DSCAML1: variants seen among roughly 807,000 people sequenced by gnomAD.
DSCAML1 encodes the protein cell adhesion molecule DSCAML1.
DSCAML1 carries 38 observed loss-of-function variants against 200.5 expected under a neutral mutation model. The ratio of observed to expected loss-of-function variants is 0.19; its 90% CI spans 0.15 to 0.25. The LOEUF (loss-of-function observed/expected upper bound fraction) is 0.25. Ranked by LOEUF, DSCAML1 falls within the 10% of genes least tolerant of loss-of-function variation. The pLI is 1.00. For missense variants in DSCAML1, 2,223 were observed against 2,858.8 expected (o/e 0.78, Z 5.07); for synonymous variants, 1,215 against 1,165.0 (o/e 1.04, Z -0.87).
rs1477882492 is a variant in DSCAML1, at chr11:117,577,471, T to C, written c.512-44949A>G. Among the ~76,000 whole-genome samples the C allele has an allele frequency of 1.0e-3, 77 of 73,930 alleles. 2 individuals are homozygous for C. The highest frequency in any genetic ancestry group is 2.7e-3 in the African/African-American group (37 of 13,516). 48.5% of individuals were successfully genotyped at this position (73,930 alleles called of 152,430 possible). A position where few individuals can be genotyped will look rare whatever the true frequency, so the allele number is the denominator to read the frequency against. On this transcript the variant is annotated intron_variant, in intron 3 of 32. Coordinates refer to ENST00000651296, the MANE Select transcript of DSCAML1 (RefSeq NM_020693.4). ...TTCCTTCCTTCCTTTCCTTCCTTCC[T>C]TCCTTCCTTCCTTCCTTCCTTCCTT...
rs3741283 is a variant in DSCAML1 at position 117,428,323 on chromosome 11, G to C, written c.*5C>G. On this transcript the variant is annotated 3_prime_UTR_variant, in exon 33 of 33. Coordinates refer to ENST00000651296, the MANE Select transcript of DSCAML1 (RefSeq NM_020693.4). ...GTCCAGGCGTGGCTGCTCTTCCTGC[G>C]GGCCCTACACCAGGGTGTAGGATTT... 453,981 of 1,479,982 alleles carry C rather than the reference G, an allele frequency of 0.31. 75,392 individuals are homozygous for C. Among genetic ancestry groups the C allele is most frequent in the African/African-American group, 0.58 (40,785 of 70,566 alleles). 91.7% of individuals were successfully genotyped at this position (1,479,982 alleles called of 1,614,324 possible).
rs775189626 is a variant in DSCAML1 at position 117,504,683 on chromosome 11, G to A, written c.2182+241C>T. On this transcript the variant is annotated intron_variant, in intron 10 of 32. Coordinates refer to ENST00000651296, the MANE Select transcript of DSCAML1 (RefSeq NM_020693.4). The surrounding 1 kb of genome is among the most constrained non-coding windows in gnomAD (Gnocchi z 5.0). ...GCGGAGATGGGAGAGGAGAGGTCGC[G>A]TCTGGGGGGACAAGAGGAAATACGG... Among the ~76,000 whole-genome samples the A allele has an allele frequency of 3.4e-5, 5 of 147,032 alleles. No individual in the cohort carries two copies. The highest frequency in any genetic ancestry group is 1.2e-4 in the African/African-American group (5 of 40,694).
chr11:117,747,450 C>T (rs2054536195), intron 3 of DSCAML1, among the ~76,000 whole-genome samples: 2 of 152,160 alleles, frequency 1.3e-5, no homozygotes, highest in South Asian at 2.1e-4. Flanking sequence ...CTCTCACTGT[C>T]CTTTCCCCAT....
At chr11:117,546,058 C>T (rs142362796) in intron 3 of DSCAML1, among the ~76,000 whole-genome samples, 5 of 152,246 alleles carry the variant, frequency 3.3e-5, no homozygotes, top group Non-Finnish European at 7.3e-5. Context: ...CTTTGGCCTG[C>T]CCGTCAGTGC....
At chr11:117,589,583 G>A (rs1190912415) in intron 3 of DSCAML1, among the ~76,000 whole-genome samples, 2 of 152,164 alleles carry the variant, frequency 1.3e-5, no homozygotes, top group Non-Finnish European at 2.9e-5. Context: ...TAATAATGTT[G>A]ATAATGATAA....
rs192599536 is a variant in DSCAML1 at position 117,458,880 on chromosome 11, T to C, written c.3442A>G (p.Thr1148Ala). Reference sequence around the variant, plus strand: ...CCCCGCAGCTCCACCCGCTCCCGCGTGGTGGTGATGTTCTGCATCTCGCCC... The same window carrying C: ...CCCCGCAGCTCCACCCGCTCCCGCGCGGTGGTGATGTTCTGCATCTCGCCC... ...EWGEMQNITT[T>A]RERVELRGME... The change falls in exon 19 of 33, where the codon ACG (threonine) becomes GCG (alanine). Residue 1148 changes from threonine to alanine, a missense_variant. Physicochemically the swap from Thr to Ala is moderately conservative, Grantham distance 58. Coordinates refer to ENST00000651296, the MANE Select transcript of DSCAML1 (RefSeq NM_020693.4). The C allele has an allele frequency of 2.7e-5, 44 of 1,613,934 alleles. No homozygotes were observed. The East Asian group carries it at 7.8e-4, about 29-fold the overall frequency.
intron 3 of DSCAML1, among the ~76,000 whole-genome samples, chr11:117,538,663 A>G (rs1451725322): frequency 6.6e-6 from 1 of 152,070 alleles, no homozygotes; most frequent in Non-Finnish European, 1.5e-5. Context: ...GGAGCCATGG[A>G]GAGATAATTG....
chr11:117,538,668 T>C (rs565141345), intron 3 of DSCAML1, among the ~76,000 whole-genome samples: 1 of 152,118 alleles, frequency 6.6e-6, no homozygotes, highest in Non-Finnish European at 1.5e-5. Flanking sequence ...CATGGAGAGA[T>C]AATTGATAGA....
At chr11:117,764,930 C>A (rs1240461279) in intron 3 of DSCAML1, among the ~76,000 whole-genome samples, 1 of 152,186 alleles carries the variant, frequency 6.6e-6, no homozygotes, top group African/African-American at 2.4e-5. Flanking sequence ...CCTGGCAGAG[C>A]CCCAGACTCC....
chr11:117,656,376 C>T (rs1368975991), intron 3 of DSCAML1, among the ~76,000 whole-genome samples: 1 of 152,148 alleles, frequency 6.6e-6, no homozygotes, highest in African/African-American at 2.4e-5. Context: ...TCATCAGCTG[C>T]AAAATAGAGA....
At chr11:117,761,378 C>T (rs1591481706) in intron 3 of DSCAML1, among the ~76,000 whole-genome samples, 1 of 152,350 alleles carries the variant, frequency 6.6e-6, no homozygotes, top group East Asian at 1.9e-4. Context: ...GTGTTCCTCC[C>T]TTCCTCCTCC....
chr11:117,446,024 T>C (rs566608675), intron 20 of DSCAML1, among the ~76,000 whole-genome samples: 4 of 152,306 alleles, frequency 2.6e-5, no homozygotes, highest in East Asian at 1.9e-4. Flanking sequence ...ATGGAAATGA[T>C]TGATAAATTC....
intron 3 of DSCAML1, among the ~76,000 whole-genome samples, chr11:117,652,223 C>T (rs2052647175): frequency 6.6e-6 from 1 of 152,234 alleles, no homozygotes; most frequent in South Asian, 2.1e-4. Context: ...GGAGACAAGG[C>T]GTTGGTAGAA....
chr11:117,572,651 C>T (rs1028186284), intron 3 of DSCAML1, among the ~76,000 whole-genome samples: 1 of 152,136 alleles, frequency 6.6e-6, no homozygotes, highest in African/African-American at 2.4e-5. Context: ...AGTCCAACAT[C>T]CGGTAGGGGA....
intron 3 of DSCAML1, among the ~76,000 whole-genome samples, chr11:117,702,558 T>C (rs1181962250): frequency 3.3e-5 from 5 of 152,112 alleles, no homozygotes; most frequent in African/African-American, 1.2e-4. Flanking sequence ...CATTCCACAC[T>C]GTCACTGTTG....
At chr11:117,630,106 G>C (rs759217428) in intron 3 of DSCAML1, among the ~76,000 whole-genome samples, 5 of 152,160 alleles carry the variant, frequency 3.3e-5, no homozygotes, top group African/African-American at 4.8e-5. Flanking sequence ...GACCTGCAGT[G>C]TCCCCATGGA....
At position 117,521,492 on chromosome 11, in the gene DSCAML1, G is replaced by C. The variant is rs1345326226; in HGVS notation, c.938-87C>G. 6 of 1,415,264 alleles carry C rather than the reference G, an allele frequency of 4.2e-6. No homozygotes were observed. The African/African-American group carries it at 8.5e-5, about 20-fold the overall frequency. The allele number at this position is 1,415,264 out of a possible 1,614,324, so 87.7% of individuals were successfully genotyped here. A position where few individuals can be genotyped will look rare whatever the true frequency, so the allele number is the denominator to read the frequency against. On this transcript the variant is annotated intron_variant, in intron 5 of 32. Coordinates refer to ENST00000651296, the MANE Select transcript of DSCAML1 (RefSeq NM_020693.4). ...TACTGTGAGTGGAGTGTAGCTGGGG[G>C]TAGTTAGGGGTCACAAAAGGCCCAG...
At chr11:117,685,367 G>A (rs141657669) in intron 3 of DSCAML1, among the ~76,000 whole-genome samples, 232 of 152,264 alleles carry the variant, frequency 1.5e-3, no homozygotes, top group Non-Finnish European at 2.5e-3. Flanking sequence ...CCACCCTTCC[G>A]CTTAATTCCT....
At position 117,684,966 on chromosome 11, in the gene DSCAML1, C is replaced by A. The variant is rs144607257; in HGVS notation, c.511+91825G>T. Reference sequence around the variant, plus strand: ...GGGCCGGTCCAGCCGGTGCTCTGAGCCTGTCATGGGAAAACTTGGCAATAG... The same window carrying A: ...GGGCCGGTCCAGCCGGTGCTCTGAGACTGTCATGGGAAAACTTGGCAATAG... On this transcript the variant is annotated intron_variant, in intron 3 of 32. Transcript: ENST00000651296. Among the ~76,000 whole-genome samples, 51 of 152,354 alleles carry A rather than the reference C, an allele frequency of 3.3e-4. No individual in the cohort carries two copies. In the East Asian group the frequency reaches 9.6e-3, roughly 29 times the overall value.
Sources: allele counts gnomAD v4.1 joint callset (sites outside exome capture counted in the v4.1 genomes callset), GRCh38; gene constraint gnomAD v4.1.1; non-coding constraint Gnocchi (gnomAD v3.1); transcripts MANE v1.5; gene names NCBI Gene and HGNC (gene_info 2026-07-23, HGNC 2026-07-21).